The following PRR5L variants were observed in gnomAD, a reference collection of about 807,000 sequenced individuals.
The protein encoded by PRR5L is proline-rich protein 5-like.
Under a neutral mutation model 36.4 loss-of-function variants are expected in PRR5L, and 21 were observed. The observed-to-expected ratio is 0.58, with a 90% CI of 0.41 to 0.83. The LOEUF is 0.83. PRR5L is among the 40% of genes least tolerant of loss of function. The pLI, the probability that PRR5L is intolerant of heterozygous loss-of-function variation, is 0.00. For synonymous variants in PRR5L, 188 were observed against 197.0 expected (o/e 0.95, Z 0.38); for missense variants, 381 against 473.3 (o/e 0.80, Z 1.81).
intron 1 of PRR5L, among the ~76,000 whole-genome samples, chr11:36,382,592 T>C (rs1418806154): frequency 6.6e-6 from 1 of 152,130 alleles, no homozygotes; most frequent in African/African-American, 2.4e-5. Context: ...ACAATGCGGG[T>C]AGCAGGGCAC....
At chr11:36,345,815 C>T (rs1380594300) in intron 1 of PRR5L, among the ~76,000 whole-genome samples, 6 of 152,152 alleles carry the variant, frequency 3.9e-5, no homozygotes, top group Non-Finnish European at 7.3e-5. Context: ...CTCTGTGCTT[C>T]GGCAGAAAGC....
At chr11:36,445,481 A>G (rs182446397) in intron 6 of PRR5L, among the ~76,000 whole-genome samples, 1 of 152,152 alleles carries the variant, frequency 6.6e-6, no homozygotes, top group Admixed American at 6.5e-5. Context: ...TTTTTAGTGC[A>G]TGTTGTATGT....
intron 4 of PRR5L, among the ~76,000 whole-genome samples, chr11:36,426,564 A>G (rs541431999): frequency 6.6e-4 from 100 of 152,326 alleles, no homozygotes; most frequent in Middle Eastern, 6.8e-3. Context: ...AGAAGAATAT[A>G]ATAGGGGAAA....
intron 4 of PRR5L, among the ~76,000 whole-genome samples, chr11:36,430,398 C>G (rs966361404): frequency 1.3e-5 from 2 of 152,124 alleles, no homozygotes; most frequent in African/African-American, 4.8e-5. Context: ...GGTGACAGAT[C>G]AAGACTCCAT....
At chr11:36,340,364 C>A (rs1856806606) in intron 1 of PRR5L, among the ~76,000 whole-genome samples, 1 of 152,192 alleles carries the variant, frequency 6.6e-6, no homozygotes, top group African/African-American at 2.4e-5. Flanking sequence ...ACAGTCCCTC[C>A]TCCCTATGAC....
intron 4 of PRR5L, 100 bp from the exon 5 acceptor site, chr11:36,431,753 C>T (rs1858500505): frequency 9.1e-7 from 1 of 1,093,882 alleles, no homozygotes; most frequent in Non-Finnish European, 1.4e-6. Context: ...AACACAAGTG[C>T]CTAGAACTCT....
rs182729548 is a variant in PRR5L at position 36,424,686 on chromosome 11, G to A, written c.294+5383G>A. 2.6e-5 allele frequency among the ~76,000 whole-genome samples: 4 copies of A among 152,304 alleles called. No individual in the cohort carries two copies. The East Asian group carries it at 7.7e-4, about 29-fold the overall frequency. On this transcript the variant is annotated intron_variant, in intron 4 of 8. Transcript: ENST00000530639. ...AGTGACGGCTAACATTTTCAAGCAC[G>A]TACATGCTGGGCATTGTTGTAAGCT...
Position 36,389,756 on chromosome 11 carries a change from G to A in PRR5L, c.-125-11241G>A, listed in dbSNP as rs537594813. Among the ~76,000 whole-genome samples the A allele has an allele frequency of 3.3e-5, 5 of 152,146 alleles. No homozygotes were observed. The South Asian group carries it at 1.0e-3, about 32-fold the overall frequency. ...GCCCCCTGAGTAGCTGGGATTACAGGCGCCCGCCACCATACCTGGCTAGTT... is the reference window on the plus strand; with the variant it reads ...GCCCCCTGAGTAGCTGGGATTACAGACGCCCGCCACCATACCTGGCTAGTT... On this transcript the variant is annotated intron_variant, in intron 1 of 8. Coordinates refer to ENST00000530639, the MANE Select transcript of PRR5L (RefSeq NM_001160167.2).
chr11:36,322,453 G>T lies in PRR5L; in HGVS notation c.-126+26015G>T, dbSNP rs1856622018. ...TTATGGTTTAGAGTGAACTGTTGTAGATATTGTTTTTATCTGCCTACCGTA... is the reference window on the plus strand; with the variant it reads ...TTATGGTTTAGAGTGAACTGTTGTATATATTGTTTTTATCTGCCTACCGTA... On this transcript the variant is annotated intron_variant, in intron 1 of 8. Coordinates refer to ENST00000530639, the MANE Select transcript of PRR5L (RefSeq NM_001160167.2). Among the ~76,000 whole-genome samples, 3 of 152,156 alleles carry T rather than the reference G, an allele frequency of 2.0e-5. No homozygotes were observed. The South Asian group carries it at 6.2e-4, about 32-fold the overall frequency.
chr11:36,446,257 G>A, intron 6 of PRR5L, 43 bp from the exon 7 acceptor site: 1 of 1,604,716 alleles, frequency 6.2e-7, no homozygotes, highest in South Asian at 1.1e-5. Flanking sequence ...GGCAGATTCA[G>A]TAAGCTCTCA....
chr11:36,336,518 C>T (rs1856770380), intron 1 of PRR5L, among the ~76,000 whole-genome samples: 1 of 146,594 alleles, frequency 6.8e-6, no homozygotes, highest in African/African-American at 2.5e-5. Flanking sequence ...GCTTGAACCA[C>T]CGCGCCTGGC....
chr11:36,365,654 C>T lies in PRR5L; in HGVS notation c.-125-35343C>T, dbSNP rs114617420. Among the ~76,000 whole-genome samples the T allele has an allele frequency of 6.9e-3, 1,050 of 152,286 alleles. 12 individuals carry two copies. The highest frequency in any genetic ancestry group is 0.024 in the African/African-American group (1,013 of 41,544). ...TTTCATGGTATTATCCCTTCCCCTTCTTGGGGAACAGTTTGAGAAATGCCC... is the reference window on the plus strand; with the variant it reads ...TTTCATGGTATTATCCCTTCCCCTTTTTGGGGAACAGTTTGAGAAATGCCC... On this transcript the variant is annotated intron_variant, in intron 1 of 8. Coordinates refer to ENST00000530639, the MANE Select transcript of PRR5L (RefSeq NM_001160167.2).
At chr11:36,417,931 T>C (rs1858181133) in intron 3 of PRR5L, among the ~76,000 whole-genome samples, 1 of 152,246 alleles carries the variant, frequency 6.6e-6, no homozygotes. Flanking sequence ...GGGAGCCAGT[T>C]ATTCTTGCTT....
At chr11:36,317,848 G>C (rs1856573636) in intron 1 of PRR5L, among the ~76,000 whole-genome samples, 1 of 152,116 alleles carries the variant, frequency 6.6e-6, no homozygotes, top group Non-Finnish European at 1.5e-5. Flanking sequence ...TGAAATACGT[G>C]TTCAAGTGTC....
In PRR5L at chr11:36,342,393, C is replaced by G. The variant is rs1856825912; in HGVS notation, c.-126+45955C>G. Reference sequence around the variant, plus strand: ...GGGGAGTGTTATTATTATACATTATCCCTAGGGAAGCCTAGGGTTCAGGAG... The same window carrying G: ...GGGGAGTGTTATTATTATACATTATGCCTAGGGAAGCCTAGGGTTCAGGAG... On this transcript the variant is annotated intron_variant, in intron 1 of 8. Transcript: ENST00000530639. Among the ~76,000 whole-genome samples the G allele has an allele frequency of 2.6e-5, 4 of 152,130 alleles. No individual in the cohort carries two copies. The South Asian group carries it at 8.3e-4, about 32-fold the overall frequency.
At chr11:36,438,185 C>A (rs879163436) in intron 6 of PRR5L, among the ~76,000 whole-genome samples, 1 of 152,170 alleles carries the variant, frequency 6.6e-6, no homozygotes, top group Non-Finnish European at 1.5e-5. Context: ...ATGGTCACTG[C>A]CAGGTTGAAG....
intron 1 of PRR5L, among the ~76,000 whole-genome samples, chr11:36,314,185 C>A (rs750340147): frequency 6.6e-6 from 1 of 152,032 alleles, no homozygotes; most frequent in Non-Finnish European, 1.5e-5. Flanking sequence ...CTAAAGAGGA[C>A]CTAATTCAAA....
At chr11:36,409,091 A>C (rs896618083) in intron 3 of PRR5L, among the ~76,000 whole-genome samples, 4 of 152,048 alleles carry the variant, frequency 2.6e-5, no homozygotes, top group African/African-American at 9.7e-5. Flanking sequence ...TGGAATCTGG[A>C]GTGCTGGGGG....
intron 1 of PRR5L, among the ~76,000 whole-genome samples, chr11:36,337,655 C>T (rs909561159): frequency 4.6e-5 from 7 of 152,232 alleles, no homozygotes; most frequent in African/African-American, 1.7e-4. Flanking sequence ...TCTTAGCCTC[C>T]TTGCGTCCTT....
Sources: gnomAD v4.1 joint callset for allele counts (sites outside exome capture counted in the v4.1 genomes callset) on GRCh38, gnomAD v4.1.1 for gene constraint, MANE v1.5 for transcripts, NCBI Gene and HGNC (gene_info 2026-07-23, HGNC 2026-07-21) for gene names.